TRIO: variants seen among roughly 807,000 people sequenced by gnomAD.
TRIO encodes trio Rho guanine nucleotide exchange factor.
TRIO carries 58 observed loss-of-function variants against 351.9 expected under a neutral mutation model. The ratio of observed to expected loss-of-function variants is 0.16; its 90% CI spans 0.13 to 0.21. The LOEUF (loss-of-function observed/expected upper bound fraction) is 0.21. TRIO is among the 10% of genes least tolerant of loss of function. The probability of loss-of-function intolerance (pLI) is 1.00; values close to 1 mark genes in which losing one functional copy is unlikely to be tolerated. For synonymous variants in TRIO, 1,758 were observed against 1,595.7 expected, an observed-to-expected ratio of 1.10 and a Z score of -2.42; for missense variants, 3,201 against 4,027.8, an observed-to-expected ratio of 0.79 and a Z score of 5.56.
At chr5:14,186,939 G>A (rs563841561) in intron 1 of TRIO, among the ~76,000 whole-genome samples, 2 of 152,290 alleles carry the variant, frequency 1.3e-5, no homozygotes, top group South Asian at 2.1e-4. Flanking sequence ...TGTCATGCTA[G>A]TGTGAACCAA....
At chr5:14,251,575 C>A (rs1794747749) in intron 1 of TRIO, among the ~76,000 whole-genome samples, 1 of 152,228 alleles carries the variant, frequency 6.6e-6, no homozygotes, top group African/African-American at 2.4e-5. Flanking sequence ...GCACCAGAGG[C>A]TGGGCAGCCT....
At chr5:14,344,627 A>G (rs1742253428) in intron 11 of TRIO, among the ~76,000 whole-genome samples, 1 of 152,208 alleles carries the variant, frequency 6.6e-6, no homozygotes, top group Non-Finnish European at 1.5e-5. Flanking sequence ...CCCCGATTGT[A>G]ACATCGATAT....
rs1561577929 is a variant in TRIO at position 14,508,429 on chromosome 5, C to G, written c.*7C>G. On this transcript the variant is annotated 3_prime_UTR_variant, in exon 57 of 57. Transcript: ENST00000344204. ...GCTTCTGCCTAGAGTTTGACCTATCCAGAAGTTCTTTCTCATTCTCTTTCA... is the reference window on the plus strand; with the variant it reads ...GCTTCTGCCTAGAGTTTGACCTATCGAGAAGTTCTTTCTCATTCTCTTTCA... 7.0e-6 allele frequency: 11 copies of G among 1,574,696 alleles called. No individual in the cohort carries two copies. Among genetic ancestry groups the G allele is most frequent in the Non-Finnish European group, 9.5e-6 (11 of 1,160,382 alleles).
intron 9 of TRIO, among the ~76,000 whole-genome samples, chr5:14,317,436 AG>A (rs1739469870): frequency 6.6e-6 from 1 of 152,170 alleles, no homozygotes; most frequent in Admixed American, 6.5e-5. Context: ...ACCTCTGGGG[AG>A]GAGGAATCCT....
At chr5:14,210,597 G>GT (rs34510714) in intron 1 of TRIO, among the ~76,000 whole-genome samples, 53,212 of 151,594 alleles carry the variant, frequency 0.35, 11,126 homozygotes, top group East Asian at 0.51. Context: ...TTTTGAAAGT[G>GT]TTTTTTTGTT....
At chr5:14,273,026 T>C (rs2152271163) in intron 2 of TRIO, among the ~76,000 whole-genome samples, 1 of 152,304 alleles carries the variant, frequency 6.6e-6, no homozygotes, top group South Asian at 2.1e-4. Context: ...TATCACCAGG[T>C]TGTGCAACTG....
At chr5:14,488,865 C>T (rs569044145) in intron 48 of TRIO, 11 of 718,766 alleles carry the variant, frequency 1.5e-5, no homozygotes, top group East Asian at 2.6e-5. Flanking sequence ...GGGCACCTGG[C>T]GAGGCGGCTC....
rs148870254 is a variant in TRIO at position 14,228,320 on chromosome 5, TTGGAGA to T, written c.158-42504_158-42499del. 2.9e-3 allele frequency among the ~76,000 whole-genome samples: 441 copies of T among 152,348 alleles called. 1 individual carries two copies. Among genetic ancestry groups the T allele is most frequent in the African/African-American group, 9.7e-3 (404 of 41,580 alleles). Reference sequence around the variant, plus strand: ...GTGACAAAGAAAAAACCATCCAGAATTGGAGACTGTTCCCTGCCGGGGGAACAGCCG... The same window carrying T: ...GTGACAAAGAAAAAACCATCCAGAATCTGTTCCCTGCCGGGGGAACAGCCG... On this transcript the variant is annotated intron_variant, in intron 1 of 56. Coordinates refer to ENST00000344204, the MANE Select transcript of TRIO (RefSeq NM_007118.4).
At chr5:14,224,462 A>G (rs371428566) in intron 1 of TRIO, among the ~76,000 whole-genome samples, 2 of 152,122 alleles carry the variant, frequency 1.3e-5, no homozygotes, top group African/African-American at 4.8e-5. Context: ...GAATATACTA[A>G]AAGATTCACT....
At chr5:14,200,324 C>T (rs17319023) in intron 1 of TRIO, among the ~76,000 whole-genome samples, 4,626 of 152,306 alleles carry the variant, frequency 0.03, 205 homozygotes, top group Admixed American at 0.13. Context: ...TTCCTGCCCG[C>T]GCCCATGATG....
At chr5:14,161,546 C>T (rs1033432281) in intron 1 of TRIO, among the ~76,000 whole-genome samples, 46 of 152,082 alleles carry the variant, frequency 3.0e-4, no homozygotes, top group African/African-American at 1.1e-3. Context: ...ACCCCAGCGC[C>T]GGCCCAGAGC....
At chr5:14,196,046 T>G (rs1311243999) in intron 1 of TRIO, among the ~76,000 whole-genome samples, 2 of 152,240 alleles carry the variant, frequency 1.3e-5, no homozygotes, top group Non-Finnish European at 2.9e-5. Flanking sequence ...TATTCTAATT[T>G]GTTTTTCTGG....
chr5:14,374,112 C>T, intron 18 of TRIO, 117 bp from the exon 19 acceptor site: 1 of 642,650 alleles, frequency 1.6e-6, no homozygotes, highest in East Asian at 3.1e-5. Flanking sequence ...TCTAAACCAG[C>T]AGGTGGCCAG....
At chr5:14,326,600 G>GT (rs1436505705) in intron 9 of TRIO, among the ~76,000 whole-genome samples, 1 of 152,172 alleles carries the variant, frequency 6.6e-6, no homozygotes, top group African/African-American at 2.4e-5. Context: ...CAGCTTTTGT[G>GT]TTTTTCATCT....
chr5:14,236,251 A>G (rs927094970), intron 1 of TRIO, among the ~76,000 whole-genome samples: 3 of 152,220 alleles, frequency 2.0e-5, no homozygotes, highest in Admixed American at 2.0e-4. Flanking sequence ...AAATGTGTTA[A>G]AAATTTTAGT....
At chr5:14,438,937 G>A (rs190820825) in intron 34 of TRIO, among the ~76,000 whole-genome samples, 131 of 152,344 alleles carry the variant, frequency 8.6e-4, no homozygotes, top group African/African-American at 3.0e-3. Context: ...AGGAGGGAGG[G>A]GACCCAGAAG....
At chr5:14,250,643 T>C (rs2152246589) in intron 1 of TRIO, among the ~76,000 whole-genome samples, 1 of 152,332 alleles carries the variant, frequency 6.6e-6, no homozygotes, top group African/African-American at 2.4e-5. Flanking sequence ...CACCCGAGCC[T>C]GTACACTCGA....
intron 52 of TRIO, 85 bp from the exon 53 acceptor site, chr5:14,498,434 C>T (rs1757044333): frequency 6.5e-7 from 1 of 1,543,126 alleles, no homozygotes; most frequent in Admixed American, 1.9e-5. Context: ...CTCCTGCCTT[C>T]CCTTGATCCT....
At chr5:14,305,243 G>C (rs542349205) in intron 8 of TRIO, among the ~76,000 whole-genome samples, 14 of 152,378 alleles carry the variant, frequency 9.2e-5, no homozygotes, top group African/African-American at 2.9e-4. Flanking sequence ...CAGGCTGCAT[G>C]TTCTCAGTCA....
Sources: allele counts gnomAD v4.1 joint callset (sites outside exome capture counted in the v4.1 genomes callset), GRCh38; gene constraint gnomAD v4.1.1; transcripts MANE v1.5; gene names NCBI Gene and HGNC (gene_info 2026-07-23, HGNC 2026-07-21).